KCNT2: variants seen among roughly 807,000 people sequenced by gnomAD.
KCNT2 encodes the protein potassium sodium-activated channel subfamily T member 2.
In KCNT2, 67 loss-of-function variants were observed where a neutral mutation model predicts 153.8. The ratio of observed to expected loss-of-function variants is 0.44; its 90% CI spans 0.36 to 0.53. The LOEUF is 0.53. Among genes scored for constraint, KCNT2 ranks in the 20% least tolerant of loss-of-function variants. The probability of loss-of-function intolerance (pLI) is 0.00; values close to 1 mark genes in which losing one functional copy is unlikely to be tolerated. For missense variants in KCNT2, 975 were observed against 1,354.8 expected (o/e 0.72, Z 4.40); for synonymous variants, 500 against 458.8 (o/e 1.09, Z -1.15).
intron 22 of KCNT2, among the ~76,000 whole-genome samples, chr1:196,299,665 T>C (rs1661000762): frequency 6.6e-6 from 1 of 151,818 alleles, no homozygotes. Flanking sequence ...GAATGCAGAG[T>C]AGTACAGCAA....
chr1:196,512,917 A>C (rs1368858744), intron 1 of KCNT2, among the ~76,000 whole-genome samples: 1 of 152,136 alleles, frequency 6.6e-6, no homozygotes, highest in Admixed American at 6.6e-5. Context: ...AAACTGCCAG[A>C]TTGGATCCCT....
In KCNT2 at chr1:196,357,224, A is replaced by G. The variant is rs963259108; in HGVS notation, c.1404-14996T>C. On this transcript the variant is annotated intron_variant, in intron 14 of 27. Coordinates refer to ENST00000294725, the MANE Select transcript of KCNT2 (RefSeq NM_198503.5). ...GAGCAGTGATTACATTATTATGCGG[A>G]TTGCAATAGAGTTCATTGAGAGTCA... 4.6e-5 allele frequency among the ~76,000 whole-genome samples: 7 copies of G among 151,932 alleles called. 1 individual carries two copies. Among genetic ancestry groups the G allele is most frequent in the African/African-American group, 1.7e-4 (7 of 41,426 alleles).
intron 22 of KCNT2, among the ~76,000 whole-genome samples, chr1:196,287,564 G>A (rs2147899719): frequency 6.6e-6 from 1 of 152,088 alleles, no homozygotes; most frequent in Non-Finnish European, 1.5e-5. Flanking sequence ...TATTCCTATA[G>A]GAAATGAACT....
chr1:196,412,121 A>T (rs543479927), intron 12 of KCNT2, among the ~76,000 whole-genome samples: 3 of 151,764 alleles, frequency 2.0e-5, no homozygotes, highest in Non-Finnish European at 4.4e-5. Context: ...GGTTAATCTT[A>T]AACAATTTTT....
chr1:196,320,801 G>A (rs1315334137), intron 19 of KCNT2, among the ~76,000 whole-genome samples: 5 of 150,716 alleles, frequency 3.3e-5, no homozygotes, highest in African/African-American at 1.2e-4. Flanking sequence ...TCATTAAAAT[G>A]ACCCAATAGT....
chr1:196,563,782 C>T (rs760345467), intron 1 of KCNT2, among the ~76,000 whole-genome samples: 12 of 151,792 alleles, frequency 7.9e-5, no homozygotes, highest in Admixed American at 1.3e-4. Context: ...TACCTCAATA[C>T]ATACAGAAAA....
intron 13 of KCNT2, among the ~76,000 whole-genome samples, chr1:196,391,314 C>A (rs548240290): frequency 6.6e-6 from 1 of 151,318 alleles, no homozygotes; most frequent in South Asian, 2.1e-4. Flanking sequence ...GATCATAGTA[C>A]AAATCTAGAA....
At chr1:196,522,909 T>A (rs1653648451) in intron 1 of KCNT2, among the ~76,000 whole-genome samples, 2 of 152,144 alleles carry the variant, frequency 1.3e-5, no homozygotes, top group African/African-American at 4.8e-5. Flanking sequence ...AATGCACCAA[T>A]CAGCAGGATG....
chr1:196,535,218 T>TAAGGC (rs1655401560), intron 1 of KCNT2, among the ~76,000 whole-genome samples: 1 of 152,318 alleles, frequency 6.6e-6, no homozygotes, highest in South Asian at 2.1e-4. Context: ...CCTCATCAAG[T>TAAGGC]AAGGCCATTA....
chr1:196,386,186 G>A (rs76944314), intron 13 of KCNT2, among the ~76,000 whole-genome samples: 4,417 of 152,090 alleles, frequency 0.029, 202 homozygotes, highest in African/African-American at 0.098. Context: ...GATATTCTAC[G>A]CAAGTCAAGC....
At chr1:196,604,930 C>T (rs1665148434) in intron 1 of KCNT2, among the ~76,000 whole-genome samples, 1 of 152,000 alleles carries the variant, frequency 6.6e-6, no homozygotes, top group African/African-American at 2.4e-5. Context: ...TTTAGATGAC[C>T]TACTTATCCA....
At chr1:196,334,894 C>G (rs562683122) in intron 16 of KCNT2, among the ~76,000 whole-genome samples, 4 of 151,970 alleles carry the variant, frequency 2.6e-5, no homozygotes, top group African/African-American at 9.7e-5. Context: ...GATTTTTGAC[C>G]TGAAATACAA....
intron 25 of KCNT2, among the ~76,000 whole-genome samples, chr1:196,260,850 A>G (rs1342204701): frequency 1.3e-5 from 2 of 151,900 alleles, no homozygotes; most frequent in African/African-American, 4.8e-5. Flanking sequence ...GCCATCTTCT[A>G]TTTGACAGAA....
intron 15 of KCNT2, 74 bp downstream of exon 15, chr1:196,342,005 A>G: frequency 6.7e-7 from 1 of 1,482,060 alleles, no homozygotes; most frequent in Middle Eastern, 2.1e-4. Context: ...TATGCATTCT[A>G]TTTTTGAAAA....
intron 5 of KCNT2, among the ~76,000 whole-genome samples, chr1:196,475,185 G>T (rs1300839184): frequency 6.6e-6 from 1 of 152,064 alleles, no homozygotes; most frequent in Non-Finnish European, 1.5e-5. Context: ...ACAAATACAA[G>T]AAAGTTATAT....
At chr1:196,539,546 G>T (rs1421294893) in intron 1 of KCNT2, among the ~76,000 whole-genome samples, 1 of 152,018 alleles carries the variant, frequency 6.6e-6, no homozygotes, top group Non-Finnish European at 1.5e-5. Context: ...CATCCCACAT[G>T]TTGCCAGCTG....
chr1:196,429,413 A>G (rs1673941059), intron 9 of KCNT2, among the ~76,000 whole-genome samples, 164 bp downstream of exon 9: 2 of 152,136 alleles, frequency 1.3e-5, no homozygotes, highest in African/African-American at 4.8e-5. Context: ...AAAATGTAAA[A>G]TGACATTTCT....
intron 1 of KCNT2, among the ~76,000 whole-genome samples, chr1:196,591,393 C>T (rs1476500974): frequency 6.6e-6 from 1 of 152,108 alleles, no homozygotes; most frequent in Non-Finnish European, 1.5e-5. Flanking sequence ...ATAAATCACC[C>T]AGCCTGAGGT....
intron 13 of KCNT2, among the ~76,000 whole-genome samples, chr1:196,385,766 TAA>T (rs11455621): frequency 6.9e-6 from 1 of 145,044 alleles, no homozygotes; most frequent in African/African-American, 2.5e-5. Flanking sequence ...ATTTCTGCAT[TAA>T]AAAAATATAT....
Sources: allele counts gnomAD v4.1 joint callset (sites outside exome capture counted in the v4.1 genomes callset), GRCh38; gene constraint gnomAD v4.1.1; transcripts MANE v1.5; gene names NCBI Gene and HGNC (gene_info 2026-07-23, HGNC 2026-07-21).